Variants in NR3C2 observed in about 807,000 individuals in gnomAD.
NR3C2 encodes nuclear receptor subfamily 3 group C member 2.
In NR3C2, 15 loss-of-function variants were observed where a neutral mutation model predicts 86.4. That is an observed-to-expected ratio of 0.17 (90% CI 0.12 to 0.27). The LOEUF is 0.27. Among genes scored for constraint, NR3C2 ranks in the 10% least tolerant of loss-of-function variants. NR3C2 has a pLI of 1.00. For synonymous variants in NR3C2, 458 were observed against 450.5 expected (o/e 1.02, Z -0.21); for missense variants, 960 against 1,195.6 (o/e 0.80, Z 2.91).
chr4:148,136,541 C>T (rs1733351400), intron 6 of NR3C2, among the ~76,000 whole-genome samples: 1 of 152,196 alleles, frequency 6.6e-6, no homozygotes. Context: ...GTACCACCCA[C>T]TTCACTATAC....
intron 6 of NR3C2, among the ~76,000 whole-genome samples, chr4:148,132,192 A>T (rs1733073311): frequency 6.6e-6 from 1 of 152,240 alleles, no homozygotes; most frequent in African/African-American, 2.4e-5. Flanking sequence ...AATTGGGGGT[A>T]TCTGTGATAA....
intron 2 of NR3C2, among the ~76,000 whole-genome samples, chr4:148,362,186 G>T (rs79259001): frequency 6.6e-6 from 1 of 152,258 alleles, no homozygotes; most frequent in East Asian, 1.9e-4. Flanking sequence ...GACATGTGGC[G>T]TATCCCAAGA....
intron 2 of NR3C2, among the ~76,000 whole-genome samples, chr4:148,290,612 C>A (rs1344492050): frequency 6.6e-6 from 1 of 152,190 alleles, no homozygotes; most frequent in East Asian, 1.9e-4. Context: ...TGAATTTACA[C>A]ACAACAACTC....
At chr4:148,096,347 A>T (rs1044847767) in intron 8 of NR3C2, among the ~76,000 whole-genome samples, 39 of 152,208 alleles carry the variant, frequency 2.6e-4, no homozygotes, top group Non-Finnish European at 2.6e-4. Flanking sequence ...CTTCTTGCAA[A>T]TGTACACTAT....
intron 4 of NR3C2, among the ~76,000 whole-genome samples, chr4:148,158,468 T>A (rs1444597247): frequency 6.6e-6 from 1 of 152,204 alleles, no homozygotes; most frequent in Non-Finnish European, 1.5e-5. Context: ...AATAAAAACA[T>A]GTTGGAAATT....
At chr4:148,363,504 C>CTTTTTTTTTTTTTTTTTTTT (rs1375693723) in intron 2 of NR3C2, among the ~76,000 whole-genome samples, 856 of 69,408 alleles carry the variant, frequency 0.012, 227 homozygotes, top group Middle Eastern at 0.036. Flanking sequence ...TCTCATAGAT[C>CTTTTTTTTTTTTTTTTTTTT]TCTTTTTTTT....
chr4:148,284,081 G>C (rs1741391857), intron 2 of NR3C2, among the ~76,000 whole-genome samples: 2 of 152,190 alleles, frequency 1.3e-5, no homozygotes, highest in South Asian at 4.1e-4. Context: ...CAGCAAAGGG[G>C]TGGGGGCCTA....
At chr4:148,228,105 C>T (rs1738268538) in intron 3 of NR3C2, among the ~76,000 whole-genome samples, 1 of 152,130 alleles carries the variant, frequency 6.6e-6, no homozygotes, top group Admixed American at 6.6e-5. Flanking sequence ...ATATTAAAAG[C>T]CAGGAGATCA....
At chr4:148,350,285 A>G (rs904650906) in intron 2 of NR3C2, among the ~76,000 whole-genome samples, 7 of 152,194 alleles carry the variant, frequency 4.6e-5, no homozygotes, top group Non-Finnish European at 1.0e-4. Context: ...TCATCTGTGT[A>G]CTGACTTTCT....
intron 2 of NR3C2, among the ~76,000 whole-genome samples, chr4:148,352,281 C>T (rs1745320979): frequency 1.3e-5 from 2 of 152,226 alleles, no homozygotes; most frequent in South Asian, 4.1e-4. Flanking sequence ...GGGATATTAC[C>T]TTATGCTTTA....
intron 3 of NR3C2, among the ~76,000 whole-genome samples, chr4:148,196,804 G>C (rs3846302): frequency 6.6e-6 from 1 of 152,014 alleles, no homozygotes; most frequent in African/African-American, 2.4e-5. Flanking sequence ...AAAAATGGAA[G>C]GCTCTTAATG....
intron 3 of NR3C2, among the ~76,000 whole-genome samples, chr4:148,247,480 T>C (rs947798854): frequency 1.3e-5 from 2 of 152,172 alleles, no homozygotes; most frequent in Non-Finnish European, 2.9e-5. Flanking sequence ...TTGTGCAATT[T>C]GTATTGCTTT....
intron 6 of NR3C2, among the ~76,000 whole-genome samples, chr4:148,126,213 G>C (rs1417683603): frequency 6.6e-6 from 1 of 152,172 alleles, no homozygotes; most frequent in Non-Finnish European, 1.5e-5. Flanking sequence ...GAGATCTCAG[G>C]CTTATCACAT....
intron 2 of NR3C2, among the ~76,000 whole-genome samples, chr4:148,382,592 A>C (rs1459781542): frequency 6.6e-6 from 1 of 152,230 alleles, no homozygotes; most frequent in Non-Finnish European, 1.5e-5. Flanking sequence ...TTATAAATGC[A>C]ATAACTGAGT....
chr4:148,274,832 G>A (rs1740883862), intron 2 of NR3C2, among the ~76,000 whole-genome samples: 1 of 151,570 alleles, frequency 6.6e-6, no homozygotes, highest in African/African-American at 2.4e-5. Context: ...TGAGAAGGTG[G>A]GATTACAGGT....
At chr4:148,440,620 G>A (rs1351246786) in intron 1 of NR3C2, among the ~76,000 whole-genome samples, 2 of 152,088 alleles carry the variant, frequency 1.3e-5, no homozygotes, top group African/African-American at 2.4e-5. Context: ...AATGGGCCTC[G>A]CCCCAAAACA....
chr4:148,440,448 G>A (rs1750279759), intron 1 of NR3C2, among the ~76,000 whole-genome samples: 1 of 152,168 alleles, frequency 6.6e-6, no homozygotes, highest in South Asian at 2.1e-4. Context: ...ATATCTAGAG[G>A]ATAAAGAAAA....
At chr4:148,411,303 T>C (rs1182940024) in intron 2 of NR3C2, among the ~76,000 whole-genome samples, 1 of 152,182 alleles carries the variant, frequency 6.6e-6, no homozygotes, top group East Asian at 1.9e-4. Flanking sequence ...GGACAGGCAA[T>C]AATATAGCAT....
chr4:148,425,392 C>T (rs893365030), intron 2 of NR3C2, among the ~76,000 whole-genome samples: 17 of 152,142 alleles, frequency 1.1e-4, no homozygotes, highest in African/African-American at 4.1e-4. Context: ...TGTTAGAAGG[C>T]AGGGGATGAC....
Sources: allele counts gnomAD v4.1 joint callset (sites outside exome capture counted in the v4.1 genomes callset), GRCh38; gene constraint gnomAD v4.1.1; transcripts MANE v1.5; gene names NCBI Gene and HGNC (gene_info 2026-07-23, HGNC 2026-07-21).